Variants in EP300 observed in about 807,000 individuals in gnomAD.
EP300 encodes histone acetyltransferase p300.
A neutral mutation model predicts 264.0 loss-of-function variants in EP300; 31 were observed. The ratio of observed to expected loss-of-function variants is 0.12; its 90% CI spans 0.09 to 0.16. The LOEUF is 0.16. Ranked by LOEUF, EP300 falls within the 10% of genes least tolerant of loss-of-function variation. EP300 has a pLI of 1.00. For missense variants in EP300, 2,766 were observed against 3,052.9 expected (o/e 0.91, Z 2.21); for synonymous variants, 1,340 against 1,045.4 (o/e 1.28, Z -5.44).
At chr22:41,124,924 G>T (rs1015147747) in intron 2 of EP300, among the ~76,000 whole-genome samples, 1 of 151,852 alleles carries the variant, frequency 6.6e-6, no homozygotes, top group Non-Finnish European at 1.5e-5. Context: ...AGCATACTTT[G>T]TATAGTGGGT....
chr22:41,098,114 G>A (rs1221020183), intron 1 of EP300, among the ~76,000 whole-genome samples: 2 of 151,794 alleles, frequency 1.3e-5, no homozygotes, highest in Non-Finnish European at 2.9e-5. Context: ...TCGTCATTTA[G>A]CATTAGGTAT....
intron 1 of EP300, among the ~76,000 whole-genome samples, chr22:41,095,371 A>G (rs1346922368): frequency 1.3e-5 from 2 of 150,386 alleles, no homozygotes; most frequent in Non-Finnish European, 2.9e-5. Context: ...AGCTAGGACT[A>G]CAGGCGCAGA....
chr22:41,136,317 C>T (rs905723531), intron 7 of EP300, among the ~76,000 whole-genome samples: 2 of 152,226 alleles, frequency 1.3e-5, no homozygotes, highest in African/African-American at 4.8e-5. Flanking sequence ...AGCCACCACG[C>T]CTAGCCCACT....
rs2059036792 is a variant in EP300, at chr22:41,150,308, C to G, written c.2817+110C>G. 2.3e-6 allele frequency: 3 copies of G among 1,288,720 alleles called. No individual in the cohort carries two copies. In the South Asian group the frequency reaches 3.8e-5, roughly 16 times the overall value. The allele number at this position is 1,288,720 out of a possible 1,614,324, so 79.8% of individuals were successfully genotyped here. On this transcript the variant is annotated intron_variant, in intron 14 of 30. Coordinates refer to ENST00000263253, the MANE Select transcript of EP300 (RefSeq NM_001429.4). ...GCTTTATCTCTTACTGTTTTCTCCA[C>G]AAGTAGAATGTAATCTATTTTTCAT...
rs1192332279 is a variant in EP300 at position 41,167,826 on chromosome 22, GTTTTTTTTTTT to G, written c.3875-608_3875-598del. ...TCTGTTTGTTTTTGTTTTTTTTTTT[GTTTTTTTTTTT>G]TTTTTTTTTTTTTTGAGACAGAGTC... On this transcript the variant is annotated intron_variant, in intron 23 of 30. Transcript: ENST00000263253. Among the ~76,000 whole-genome samples, 196 of 32,202 alleles carry G rather than the reference GTTTTTTTTTTT, an allele frequency of 6.1e-3. 3 individuals carry two copies. The highest frequency in any genetic ancestry group is 0.025 in the African/African-American group (169 of 6,788). The allele number at this position is 32,202 out of a possible 152,430, so 21.1% of individuals were successfully genotyped here.
At chr22:41,106,371 TTTG>T (rs1473865041) in intron 1 of EP300, among the ~76,000 whole-genome samples, 1 of 152,100 alleles carries the variant, frequency 6.6e-6, no homozygotes, top group Non-Finnish European at 1.5e-5. Context: ...CCATTCTTTT[TTTG>T]TTTCATTTTT....
At chr22:41,130,590 A>G (rs1006666074) in intron 5 of EP300, among the ~76,000 whole-genome samples, 2 of 152,172 alleles carry the variant, frequency 1.3e-5, no homozygotes, top group African/African-American at 2.4e-5. Flanking sequence ...CATCCAAAAT[A>G]AGATCCAGGA....
At chr22:41,122,160 T>C (rs112164179) in intron 2 of EP300, among the ~76,000 whole-genome samples, 13 of 48,266 alleles carry the variant, frequency 2.7e-4, no homozygotes, top group African/African-American at 3.7e-4. Flanking sequence ...TCTTCTTCTT[T>C]TTTTTTTTTT....
chr22:41,168,814 C>T lies in EP300; in HGVS notation c.4119C>T (p.Phe1373=), dbSNP rs2145763735. 1.2e-6 allele frequency: 2 copies of T among 1,614,214 alleles called. No homozygotes were observed. Among genetic ancestry groups the T allele is most frequent in the Non-Finnish European group, 1.7e-6 (2 of 1,180,038 alleles). ...FEEIDGVDLC[F]FGMHVQEYGS... ...AAATTGATGGTGTTGACCTGTGCTT[C>T]TTTGGCATGCATGTTCAAGAGTATG... The change falls in exon 25 of 31, where the codon TTC becomes TTT. Residue 1373 remains phenylalanine, a synonymous_variant. Transcript: ENST00000263253.
At chr22:41,166,519 CTT>C in intron 22 of EP300, 78 bp from the exon 23 acceptor site, 1 of 1,150,950 alleles carries the variant, frequency 8.7e-7, no homozygotes, top group Non-Finnish European at 1.3e-6. Flanking sequence ...GCTAGATTGT[CTT>C]TTGAATTTTA....
intron 23 of EP300, among the ~76,000 whole-genome samples, chr22:41,167,197 A>G (rs1273014863): frequency 6.6e-6 from 1 of 152,178 alleles, no homozygotes; most frequent in Non-Finnish European, 1.5e-5. Context: ...GCGTTTTGCC[A>G]TGTTGGCCAG....
Position 41,179,397 on chromosome 22 carries a change from TC to T in EP300, c.*442del, listed in dbSNP as rs902809952. On this transcript the variant is annotated 3_prime_UTR_variant, in exon 31 of 31. Transcript: ENST00000263253. ...CACTTTATGGAAGAGTTAAAACATT[TC>T]TAAACCAGAGGACAAAAGGGGTTAA... 69 of 200,778 alleles carry T rather than the reference TC, an allele frequency of 3.4e-4. No homozygotes were observed. The highest frequency in any genetic ancestry group is 1.7e-3 in the Middle Eastern group (1 of 582). The allele number at this position is 200,778 out of a possible 1,614,324, so 12.4% of individuals were successfully genotyped here.
chr22:41,160,610 A>G, intron 19 of EP300, 32 bp from the exon 20 acceptor site: 2 of 1,603,396 alleles, frequency 1.2e-6, no homozygotes, highest in Non-Finnish European at 1.7e-6. Flanking sequence ...TGAACGGAAC[A>G]GTTCACCCCA....
chr22:41,163,575 C>A (rs1039438192), intron 21 of EP300, among the ~76,000 whole-genome samples: 1 of 151,750 alleles, frequency 6.6e-6, no homozygotes, highest in East Asian at 1.9e-4. Flanking sequence ...GGCAAAATCC[C>A]GTCTCTACTA....
chr22:41,102,029 C>CTT (rs5845488), intron 1 of EP300, among the ~76,000 whole-genome samples: 1,264 of 119,228 alleles, frequency 0.011, 27 homozygotes, highest in African/African-American at 0.032. Context: ...TTTTTCTTTT[C>CTT]TTTTTTTTTT....
chr22:41,137,271 C>T (rs1443673879), intron 7 of EP300, among the ~76,000 whole-genome samples: 3 of 149,608 alleles, frequency 2.0e-5, no homozygotes, highest in South Asian at 2.1e-4. Context: ...GCAGGAGAAT[C>T]GCTTGAACCC....
chr22:41,125,615 TCACTGATAATCC>T (rs1186585888), intron 2 of EP300, among the ~76,000 whole-genome samples: 2 of 152,166 alleles, frequency 1.3e-5, no homozygotes, highest in Non-Finnish European at 2.9e-5. Flanking sequence ...CTCCCAGGCT[TCACTGATAATCC>T]CACTTTAGCC....
intron 1 of EP300, among the ~76,000 whole-genome samples, chr22:41,095,533 A>G (rs561450837): frequency 4.2e-4 from 63 of 151,084 alleles, no homozygotes; most frequent in South Asian, 1.9e-3. Context: ...GGCCAGAGGT[A>G]CCATTATATC....
At chr22:41,113,988 C>T (rs1416142662) in intron 1 of EP300, among the ~76,000 whole-genome samples, 1 of 151,954 alleles carries the variant, frequency 6.6e-6, no homozygotes, top group African/African-American at 2.4e-5. Context: ...CCTCTATGTT[C>T]AGTATGCTAA....
Sources: gnomAD v4.1 joint callset for allele counts (sites outside exome capture counted in the v4.1 genomes callset) on GRCh38, gnomAD v4.1.1 for gene constraint, MANE v1.5 for transcripts, NCBI Gene and HGNC (gene_info 2026-07-23, HGNC 2026-07-21) for gene names.